Variants in IGF2BP1 observed in about 807,000 individuals in gnomAD.
IGF2BP1 encodes the protein insulin-like growth factor 2 mRNA-binding protein 1.
Under a neutral mutation model 74.9 loss-of-function variants are expected in IGF2BP1, and 11 were observed. The ratio of observed to expected loss-of-function variants is 0.15; its 90% CI spans 0.09 to 0.24. The LOEUF (loss-of-function observed/expected upper bound fraction) is 0.24, where lower values mean the gene tolerates loss of function less well. Ranked by LOEUF, IGF2BP1 falls within the 10% of genes least tolerant of loss-of-function variation. IGF2BP1 has a pLI of 1.00. For missense variants in IGF2BP1, 440 were observed against 757.4 expected (o/e 0.58, Z 4.92); for synonymous variants, 287 against 281.8 (o/e 1.02, Z -0.18).
At chr17:49,046,839 T>G (rs2042113361) in intron 14 of IGF2BP1, among the ~76,000 whole-genome samples, 1 of 152,116 alleles carries the variant, frequency 6.6e-6, no homozygotes, top group Non-Finnish European at 1.5e-5. Flanking sequence ...CTCTCCCTGG[T>G]TTCTGCTCTT....
At chr17:49,030,979 G>T (rs142068746) in intron 4 of IGF2BP1, among the ~76,000 whole-genome samples, 2,984 of 152,280 alleles carry the variant, frequency 0.02, 38 homozygotes, top group Middle Eastern at 0.088. Context: ...GTGTGTGTAT[G>T]TGGAGGTGGG....
intron 12 of IGF2BP1, 29 bp from the exon 13 acceptor site, chr17:49,045,861 A>G (rs2042102993): frequency 6.2e-7 from 1 of 1,608,786 alleles, no homozygotes; most frequent in Non-Finnish European, 8.5e-7. Context: ...TATATGAACC[A>G]CTGATTAACA....
At chr17:49,009,775 A>G (rs902883506) in intron 2 of IGF2BP1, among the ~76,000 whole-genome samples, 2 of 151,838 alleles carry the variant, frequency 1.3e-5, no homozygotes, top group African/African-American at 2.4e-5. Flanking sequence ...CATTTTAAGT[A>G]TATAGTTTTG....
chr17:49,006,141 T>C (rs1404259680), intron 2 of IGF2BP1, among the ~76,000 whole-genome samples: 1 of 152,188 alleles, frequency 6.6e-6, no homozygotes, highest in Non-Finnish European at 1.5e-5. Flanking sequence ...TGAGTGAAAT[T>C]TGATTGGATA....
At chr17:49,022,849 C>T (rs767158511) in intron 2 of IGF2BP1, among the ~76,000 whole-genome samples, 9 of 152,196 alleles carry the variant, frequency 5.9e-5, no homozygotes, top group East Asian at 1.9e-4. Context: ...AAACTGGGCC[C>T]CTAAACTGGG....
intron 4 of IGF2BP1, among the ~76,000 whole-genome samples, chr17:49,029,515 GT>G (rs1248196055): frequency 6.6e-6 from 1 of 152,004 alleles, no homozygotes; most frequent in Non-Finnish European, 1.5e-5. Context: ...CCTCAGTGTT[GT>G]GGGGGGCAGA....
chr17:49,031,670 C>A (rs2041923035), intron 4 of IGF2BP1, among the ~76,000 whole-genome samples: 1 of 151,856 alleles, frequency 6.6e-6, no homozygotes, highest in Non-Finnish European at 1.5e-5. Flanking sequence ...CTACGCCCGG[C>A]TACTTTTTGT....
At chr17:49,045,854 A>G (rs765753721) in intron 12 of IGF2BP1, 36 bp from the exon 13 acceptor site, 31 of 1,606,444 alleles carry the variant, frequency 1.9e-5, no homozygotes, top group Non-Finnish European at 2.6e-5. Flanking sequence ...TCACAGATAT[A>G]TGAACCACTG....
rs890311357 is a variant in IGF2BP1 at position 49,027,814 on chromosome 17, T to G, written c.337+1297T>G. On this transcript the variant is annotated intron_variant, in intron 4 of 14. Transcript: ENST00000290341. ...TTGCAGTGAGCAGAGATCGCGCCACTGCACTCCAGCCTGGGCGAAAGAGCG... is the reference window on the plus strand; with the variant it reads ...TTGCAGTGAGCAGAGATCGCGCCACGGCACTCCAGCCTGGGCGAAAGAGCG... 3.3e-5 allele frequency among the ~76,000 whole-genome samples: 4 copies of G among 122,530 alleles called. No individual in the cohort carries two copies. In the East Asian group the frequency reaches 1.1e-3, roughly 32 times the overall value. The allele number at this position is 122,530 out of a possible 152,430, so 80.4% of individuals were successfully genotyped here. A position where few individuals can be genotyped will look rare whatever the true frequency, so the allele number is the denominator to read the frequency against.
At chr17:49,026,394 G>C in intron 3 of IGF2BP1, 72 bp from the exon 4 acceptor site, 1 of 1,334,842 alleles carries the variant, frequency 7.5e-7, no homozygotes, top group South Asian at 1.2e-5. Flanking sequence ...TGGGATGCAG[G>C]GTGTCCAGTG....
intron 2 of IGF2BP1, among the ~76,000 whole-genome samples, chr17:49,016,906 C>A (rs1249800822): frequency 6.6e-6 from 1 of 150,886 alleles, no homozygotes; most frequent in African/African-American, 2.4e-5. Flanking sequence ...GCTCCTCCTC[C>A]CCTCCCCGCC....
Position 49,035,021 on chromosome 17 carries a change from G to A in IGF2BP1, c.401+3048G>A, listed in dbSNP as rs113665489. Among the ~76,000 whole-genome samples the A allele has an allele frequency of 8.1e-3, 1,236 of 152,252 alleles. 15 individuals are homozygous for A. The highest frequency in any genetic ancestry group is 0.026 in the African/African-American group (1,081 of 41,544). On this transcript the variant is annotated intron_variant, in intron 5 of 14. Transcript: ENST00000290341. ...AAGAACAAGGAAGAATTAAACTCCCGAATTTTAAAACTTACATCAAACTAC... is the reference window on the plus strand; with the variant it reads ...AAGAACAAGGAAGAATTAAACTCCCAAATTTTAAAACTTACATCAAACTAC...
chr17:49,007,909 C>T (rs1263655671), intron 2 of IGF2BP1, among the ~76,000 whole-genome samples: 4 of 152,164 alleles, frequency 2.6e-5, no homozygotes, highest in African/African-American at 4.8e-5. Flanking sequence ...CAGTGGCTCA[C>T]GCCTGTAATC....
At chr17:49,022,406 G>T (rs1037029856) in intron 2 of IGF2BP1, among the ~76,000 whole-genome samples, 5 of 152,074 alleles carry the variant, frequency 3.3e-5, no homozygotes, top group African/African-American at 9.7e-5. Context: ...GTGCCTCCCT[G>T]CCCCCCGCCC....
rs190447082 is a variant in IGF2BP1, at chr17:49,047,418, T to A, written c.1641+1045T>A. ...ATCGATGCCTTTGTATACCCAGCAC[T>A]GTTTTATGTGGCTTATGTATATTAA... is the stretch of plus-strand genomic sequence containing the variant. On this transcript the variant is annotated intron_variant, in intron 14 of 14. Coordinates refer to ENST00000290341, the MANE Select transcript of IGF2BP1 (RefSeq NM_006546.4). 2.3e-3 allele frequency among the ~76,000 whole-genome samples: 355 copies of A among 152,282 alleles called. 1 individual carries two copies. The highest frequency in any genetic ancestry group is 8.1e-3 in the African/African-American group (338 of 41,562).
In IGF2BP1 at chr17:49,031,942, G is replaced by A. The variant is rs780442593; in HGVS notation, c.370G>A (p.Val124Ile). Residue 124 changes from valine (V) to isoleucine (I), a missense_variant, in exon 5 of 15, where the codon GTC (valine) becomes ATC (isoleucine). Transcript: ENST00000290341. ...NTESETAVVN[V>I]TYSNREQTRQ... ...CGAGAGTGAGACGGCAGTGGTGAATGTCACCTATTCCAACCGGGAGCAGAC... is the reference window on the plus strand; with the variant it reads ...CGAGAGTGAGACGGCAGTGGTGAATATCACCTATTCCAACCGGGAGCAGAC... The A allele has an allele frequency of 1.2e-6, 2 of 1,613,292 alleles. No individual in the cohort carries two copies. The highest frequency in any genetic ancestry group is 1.7e-5 in the Admixed American group (1 of 59,946).
chr17:49,025,444 G>A (rs2041841345), intron 2 of IGF2BP1, among the ~76,000 whole-genome samples, 174 bp from the exon 3 acceptor site: 2 of 151,622 alleles, frequency 1.3e-5, no homozygotes, highest in African/African-American at 4.8e-5. Context: ...TCTAAAGCGG[G>A]TACCCCTACT....
Position 49,055,468 on chromosome 17 carries a change from T to G in IGF2BP1, c.*6024T>G. 37 of 353,002 alleles carry G rather than the reference T, an allele frequency of 1.0e-4. No homozygotes were observed. Among genetic ancestry groups the G allele is most frequent in the Middle Eastern group, 7.3e-4 (1 of 1,368 alleles). 21.9% of individuals were successfully genotyped at this position (353,002 alleles called of 1,614,324 possible). A position where few individuals can be genotyped will look rare whatever the true frequency, so the allele number is the denominator to read the frequency against. On this transcript the variant is annotated 3_prime_UTR_variant, in exon 15 of 15. Transcript: ENST00000290341. Reference sequence around the variant, plus strand: ...CCCTGCCAATAAGCTCCCCCAGGAATAAAGGCTTTGTTTTGGGGATGCTTA... The same window carrying G: ...CCCTGCCAATAAGCTCCCCCAGGAAGAAAGGCTTTGTTTTGGGGATGCTTA...
At chr17:49,047,629 G>A (rs1287335565) in intron 14 of IGF2BP1, among the ~76,000 whole-genome samples, 3 of 151,518 alleles carry the variant, frequency 2.0e-5, no homozygotes, top group Non-Finnish European at 4.4e-5. Flanking sequence ...TAAATGAAAA[G>A]CTATGTAAAA....
Sources: allele counts gnomAD v4.1 joint callset (sites outside exome capture counted in the v4.1 genomes callset), GRCh38; gene constraint gnomAD v4.1.1; transcripts MANE v1.5; gene names NCBI Gene and HGNC (gene_info 2026-07-23, HGNC 2026-07-21).